Variants in MAGI1 observed in about 807,000 individuals in gnomAD.
MAGI1 encodes the protein membrane associated guanylate kinase, WW and PDZ domain containing 1.
MAGI1 carries 58 observed loss-of-function variants against 139.9 expected under a neutral mutation model. That is an observed-to-expected ratio of 0.41 (90% CI 0.34 to 0.52). The LOEUF (loss-of-function observed/expected upper bound fraction) is 0.52. MAGI1 is among the 20% of genes least tolerant of loss of function. MAGI1 has a pLI of 0.12. For missense variants in MAGI1, 1,874 were observed against 1,901.6 expected (o/e 0.99, Z 0.27); for synonymous variants, 812 against 737.9 (o/e 1.10, Z -1.63).
intron 8 of MAGI1, among the ~76,000 whole-genome samples, chr3:65,441,164 T>C (rs1948298631): frequency 6.6e-6 from 1 of 152,088 alleles, no homozygotes; most frequent in Non-Finnish European, 1.5e-5. Flanking sequence ...TTTCACCATG[T>C]AGGCCAGGCT....
chr3:65,786,478 C>T (rs1577113308), intron 1 of MAGI1, among the ~76,000 whole-genome samples: 1 of 151,678 alleles, frequency 6.6e-6, no homozygotes, highest in Non-Finnish European at 1.5e-5. Context: ...AGCTAACTTA[C>T]TGTATTTTTT....
At chr3:65,795,095 A>T (rs1013837307) in intron 1 of MAGI1, among the ~76,000 whole-genome samples, 1 of 152,188 alleles carries the variant, frequency 6.6e-6, no homozygotes, top group South Asian at 2.1e-4. Context: ...ACACTTTCTT[A>T]TAAAACTAAA....
intron 1 of MAGI1, among the ~76,000 whole-genome samples, chr3:65,706,483 T>G (rs1428229489): frequency 6.6e-6 from 1 of 152,198 alleles, no homozygotes; most frequent in Non-Finnish European, 1.5e-5. Context: ...CCAAGCACAG[T>G]GGTCTGAATG....
At position 65,885,852 on chromosome 3, in the gene MAGI1, G is replaced by A. The variant is rs190232635; in HGVS notation, c.313+152144C>T. Among the ~76,000 whole-genome samples the A allele has an allele frequency of 2.4e-4, 36 of 152,226 alleles. No homozygotes were observed. In the East Asian group the frequency reaches 5.4e-3, roughly 23 times the overall value. On this transcript the variant is annotated intron_variant, in intron 1 of 22. Transcript: ENST00000402939. ...GCGTGAGAACGAACTAACACAGTAC[G>A]AAATGGTTATAATTTATACAATAAA...
chr3:65,675,751 C>T (rs2087150696), intron 1 of MAGI1, among the ~76,000 whole-genome samples: 1 of 152,156 alleles, frequency 6.6e-6, no homozygotes, highest in Non-Finnish European at 1.5e-5. Context: ...AATAACAAAA[C>T]TGATAACAAT....
chr3:65,841,911 A>C (rs1575670565), intron 1 of MAGI1, among the ~76,000 whole-genome samples: 1 of 152,318 alleles, frequency 6.6e-6, no homozygotes, highest in African/African-American at 2.4e-5. Flanking sequence ...ACAATGCCTA[A>C]GGCGCAACTG....
intron 1 of MAGI1, among the ~76,000 whole-genome samples, chr3:65,639,864 T>A (rs1382687098): frequency 1.3e-5 from 2 of 151,374 alleles, no homozygotes; most frequent in African/African-American, 4.9e-5. Flanking sequence ...TAGCCAGGCG[T>A]GGTGGTGCAT....
intron 1 of MAGI1, among the ~76,000 whole-genome samples, chr3:65,891,630 A>G (rs944337390): frequency 6.6e-6 from 1 of 151,088 alleles, no homozygotes; most frequent in African/African-American, 2.4e-5. Flanking sequence ...TGACAAAAGC[A>G]ACCATACTCC....
intron 1 of MAGI1, among the ~76,000 whole-genome samples, chr3:65,700,485 T>C (rs777468326): frequency 2.6e-5 from 4 of 151,976 alleles, no homozygotes; most frequent in Non-Finnish European, 5.9e-5. Context: ...ATAATAACAA[T>C]AGCAAATTTC....
At chr3:65,379,695 G>A in intron 16 of MAGI1, 141 bp from the exon 17 acceptor site, 1 of 1,361,246 alleles carries the variant, frequency 7.3e-7, no homozygotes, top group Non-Finnish European at 9.9e-7. Flanking sequence ...CACAATACCT[G>A]GATATACGGA....
chr3:65,512,665 T>C (rs1348069629), intron 2 of MAGI1, among the ~76,000 whole-genome samples: 3 of 151,290 alleles, frequency 2.0e-5, no homozygotes, highest in African/African-American at 7.3e-5. Context: ...CAATAATCAA[T>C]AGTTTACCAA....
intron 2 of MAGI1, among the ~76,000 whole-genome samples, chr3:65,536,768 C>T (rs2078975488): frequency 6.6e-6 from 1 of 152,124 alleles, no homozygotes; most frequent in Non-Finnish European, 1.5e-5. Context: ...AAGAAATTCA[C>T]TTTTCATGAA....
chr3:65,892,616 T>G (rs191079355), intron 1 of MAGI1, among the ~76,000 whole-genome samples: 3 of 152,332 alleles, frequency 2.0e-5, no homozygotes, highest in East Asian at 1.9e-4. Context: ...CATTTATGTA[T>G]TAGGTGTTAA....
chr3:65,976,385 G>A (rs2065266753), intron 1 of MAGI1, among the ~76,000 whole-genome samples: 1 of 152,088 alleles, frequency 6.6e-6, no homozygotes, highest in African/African-American at 2.4e-5. Context: ...TCCCAGCACT[G>A]TGGGGAGACG....
chr3:65,520,637 A>T (rs1380311991), intron 2 of MAGI1, among the ~76,000 whole-genome samples: 1 of 152,186 alleles, frequency 6.6e-6, no homozygotes, highest in East Asian at 1.9e-4. Flanking sequence ...GCACCATATC[A>T]TTCAACATTC....
At chr3:65,965,037 G>C (rs1166201662) in intron 1 of MAGI1, among the ~76,000 whole-genome samples, 1 of 152,232 alleles carries the variant, frequency 6.6e-6, no homozygotes. Context: ...AATTAGCCTT[G>C]CTCTAAAACT....
rs575879365 is a variant in MAGI1, at chr3:65,415,450, C to T, written c.2168-13980G>A. The stretch of plus-strand genomic sequence containing the variant: ...TGAGAAGGGTGCAGTCCTACCCATA[C>T]TTCAGATGATAATCTGGAGGCTCAT... On this transcript the variant is annotated intron_variant, in intron 12 of 22. Coordinates refer to ENST00000402939, the MANE Select transcript of MAGI1 (RefSeq NM_001033057.2). Among the ~76,000 whole-genome samples the T allele has an allele frequency of 9.5e-4, 145 of 152,316 alleles. 1 individual carries two copies. The highest frequency in any genetic ancestry group is 3.2e-3 in the African/African-American group (132 of 41,570).
At chr3:65,861,976 A>G (rs1161466383) in intron 1 of MAGI1, among the ~76,000 whole-genome samples, 1 of 152,166 alleles carries the variant, frequency 6.6e-6, no homozygotes, top group Non-Finnish European at 1.5e-5. Context: ...AAAAAGTCAC[A>G]AAGACCATGC....
At chr3:65,891,275 G>A (rs561803160) in intron 1 of MAGI1, among the ~76,000 whole-genome samples, 5 of 151,988 alleles carry the variant, frequency 3.3e-5, no homozygotes, top group Non-Finnish European at 5.9e-5. Flanking sequence ...ATTCTAATGG[G>A]TTTGTAACAT....
Sources: allele counts gnomAD v4.1 joint callset (sites outside exome capture counted in the v4.1 genomes callset), GRCh38; gene constraint gnomAD v4.1.1; transcripts MANE v1.5; gene names NCBI Gene and HGNC (gene_info 2026-07-23, HGNC 2026-07-21).